Variants in ULK2 observed in about 807,000 individuals in gnomAD.
ULK2 encodes the protein serine/threonine-protein kinase ULK2.
A neutral mutation model predicts 127.5 loss-of-function variants in ULK2; 76 were observed. The observed-to-expected ratio is 0.60, with a 90% CI of 0.50 to 0.72. ULK2 has a LOEUF of 0.72. Among genes scored for constraint, ULK2 ranks in the 30% least tolerant of loss-of-function variants. The probability of loss-of-function intolerance (pLI) is 0.00; values close to 1 mark genes in which losing one functional copy is unlikely to be tolerated. For synonymous variants in ULK2, 452 were observed against 461.9 expected (o/e 0.98, Z 0.28); for missense variants, 1,144 against 1,295.9 (o/e 0.88, Z 1.80).
chr17:19,791,943 A>G (rs1012483121), intron 20 of ULK2, among the ~76,000 whole-genome samples: 1 of 151,946 alleles, frequency 6.6e-6, no homozygotes, highest in African/African-American at 2.4e-5. Context: ...TTTGGAAACT[A>G]TATAAATACG....
chr17:19,805,417 T>C (rs1433566000), intron 14 of ULK2, among the ~76,000 whole-genome samples: 4 of 152,222 alleles, frequency 2.6e-5, no homozygotes, highest in African/African-American at 9.7e-5. Flanking sequence ...CTTATACCAC[T>C]TTCAATTCAC....
At chr17:19,835,994 C>T (rs1277709822) in intron 10 of ULK2, among the ~76,000 whole-genome samples, 3 of 151,688 alleles carry the variant, frequency 2.0e-5, no homozygotes, top group African/African-American at 4.8e-5. Context: ...GGGCCGCGCC[C>T]GGTGGCTCAC....
chr17:19,864,575 C>T (rs894136723), intron 3 of ULK2, among the ~76,000 whole-genome samples: 1 of 152,116 alleles, frequency 6.6e-6, no homozygotes, highest in Non-Finnish European at 1.5e-5. Flanking sequence ...CAATGCTACA[C>T]CTATAGTGTA....
rs575159407 is a variant in ULK2, at chr17:19,795,634, G to A, written c.2089C>T (p.Pro697Ser). The A allele has an allele frequency of 7.4e-6, 12 of 1,613,852 alleles. No homozygotes were observed. In the East Asian group the frequency reaches 2.7e-4, roughly 36 times the overall value. The change falls in exon 20 of 27, where the codon CCA becomes TCA. Residue 697 changes from proline to serine, a missense_variant. Physicochemically the swap from Pro to Ser is moderately conservative, Grantham distance 74. Around this residue, in one of 2 missense-constraint regions of ULK2, gnomAD observed 913 missense variants for 970.5 expected, o/e 0.94. Coordinates refer to ENST00000395544, the MANE Select transcript of ULK2 (RefSeq NM_014683.4). ...ACATTTTTCTTACCTATATCCATTGGTCGTTCTGTATTTAAACTGTCTGTG... is the reference window on the plus strand; with the variant it reads ...ACATTTTTCTTACCTATATCCATTGATCGTTCTGTATTTAAACTGTCTGTG... ...GSTDSLNTER[P>S]MDIAPAGACG... is the part of the protein sequence containing the mutation.
chr17:19,804,502 A>G (rs2087470330), intron 15 of ULK2, among the ~76,000 whole-genome samples, 191 bp downstream of exon 15: 1 of 152,002 alleles, frequency 6.6e-6, no homozygotes, highest in Admixed American at 6.6e-5. Flanking sequence ...ATATCATACT[A>G]TATTATCAAG....
intron 11 of ULK2, 134 bp downstream of exon 11, chr17:19,826,001 AAAAT>A (rs1555560385): frequency 5.8e-4 from 74 of 127,930 alleles, no homozygotes; most frequent in African/African-American, 2.1e-3. Context: ...AAAAAAAAAA[AAAAT>A]AAATAAATAA....
At chr17:19,801,977 T>G (rs2087411463) in intron 15 of ULK2, 55 bp from the exon 16 acceptor site, 4 of 1,518,376 alleles carry the variant, frequency 2.6e-6, no homozygotes, top group South Asian at 2.7e-5. Context: ...TTTTTATTCC[T>G]GCATTTTCTG....
chr17:19,805,585 T>C (rs2087498411), intron 14 of ULK2, among the ~76,000 whole-genome samples: 1 of 152,170 alleles, frequency 6.6e-6, no homozygotes, highest in African/African-American at 2.4e-5. Context: ...AAAAATAACT[T>C]AAATTTTATT....
In ULK2 at chr17:19,796,088, C is replaced by G; in HGVS notation, c.1997+7G>C. ...TGTTTAATGCTAGAATGGAAACAGT[C>G]TTTTACCTGCCAAACACTGCCTTGC... On this transcript the variant is annotated splice_region_variant and intron_variant, in intron 19 of 26. Coordinates refer to ENST00000395544, the MANE Select transcript of ULK2 (RefSeq NM_014683.4). 4 of 1,601,926 alleles carry G rather than the reference C, an allele frequency of 2.5e-6. No individual in the cohort carries two copies. Among genetic ancestry groups the G allele is most frequent in the Non-Finnish European group, 3.4e-6 (4 of 1,175,738 alleles).
At chr17:19,814,411 C>CATATATATATAT (rs35552728) in intron 13 of ULK2, among the ~76,000 whole-genome samples, 4 of 36,532 alleles carry the variant, frequency 1.1e-4, no homozygotes, top group East Asian at 1.6e-3. Flanking sequence ...TTATTATATA[C>CATATATATATAT]ATATATATAT....
intron 20 of ULK2, among the ~76,000 whole-genome samples, chr17:19,792,574 A>G (rs899110752): frequency 5.8e-4 from 88 of 152,384 alleles, no homozygotes; most frequent in African/African-American, 2.1e-3. Flanking sequence ...ATAGCAGCAC[A>G]AAATGGACTA....
chr17:19,831,322 G>A (rs200420318), intron 10 of ULK2, among the ~76,000 whole-genome samples: 2 of 151,658 alleles, frequency 1.3e-5, no homozygotes, highest in East Asian at 1.9e-4. Flanking sequence ...GCCCTTCCCC[G>A]TCTCATCTCA....
Position 19,857,003 on chromosome 17 carries a change from A to G in ULK2, c.226-7229T>C, listed in dbSNP as rs957871882. ...AAAAAAAAAAAAAAAAAAAAAAAAA[A>G]AGAGTTTTAAAATTTTTTATAGCCA... On this transcript the variant is annotated intron_variant, in intron 3 of 26. Coordinates refer to ENST00000395544, the MANE Select transcript of ULK2 (RefSeq NM_014683.4). 1.5e-4 allele frequency among the ~76,000 whole-genome samples: 22 copies of G among 148,622 alleles called. No homozygotes were observed. In the East Asian group the frequency reaches 3.0e-3, roughly 20 times the overall value.
chr17:19,807,974 C>CGGGT (rs1351917052), intron 14 of ULK2, among the ~76,000 whole-genome samples: 4 of 152,086 alleles, frequency 2.6e-5, no homozygotes, highest in African/African-American at 9.7e-5. Context: ...GGCGTGGTGG[C>CGGGT]GGGTACCTGT....
At position 19,849,724 on chromosome 17, in the gene ULK2, A is replaced by T. The variant is rs752720462; in HGVS notation, c.258+18T>A. On this transcript the variant is annotated intron_variant, in intron 4 of 26. Transcript: ENST00000395544. The stretch of plus-strand genomic sequence containing the variant: ...AGAAATTTGAAATAAATTAAACAGA[A>T]GTTTGTATACTACCTACCTCCATCA... 5 of 1,492,560 alleles carry T rather than the reference A, an allele frequency of 3.3e-6. No homozygotes were observed. The highest frequency in any genetic ancestry group is 4.5e-6 in the Non-Finnish European group (5 of 1,111,614). 92.5% of individuals were successfully genotyped at this position (1,492,560 alleles called of 1,614,324 possible). A position where few individuals can be genotyped will look rare whatever the true frequency, so the allele number is the denominator to read the frequency against.
intron 3 of ULK2, among the ~76,000 whole-genome samples, chr17:19,857,143 C>T (rs1481015336): frequency 1.3e-5 from 2 of 150,618 alleles, no homozygotes; most frequent in Non-Finnish European, 3.0e-5. Flanking sequence ...TCGTCTCTAC[C>T]AAAAATACAG....
intron 15 of ULK2, among the ~76,000 whole-genome samples, chr17:19,804,177 G>A (rs74330833): frequency 2.6e-5 from 4 of 151,144 alleles, no homozygotes; most frequent in African/African-American, 4.9e-5. Context: ...GAGGCCAGGA[G>A]TTCAAGACCA....
At chr17:19,856,977 C>CAAAAA (rs1157706276) in intron 3 of ULK2, among the ~76,000 whole-genome samples, 2 of 21,312 alleles carry the variant, frequency 9.4e-5, no homozygotes, top group Non-Finnish European at 2.4e-4. Context: ...ACTCCATCTC[C>CAAAAA]AAAAAAAAAA....
chr17:19,801,898 GT>G lies in ULK2; in HGVS notation c.1319del (p.Asn440ThrfsTer181). On this transcript the variant is annotated frameshift_variant, in exon 16 of 27. Coordinates refer to ENST00000395544, the MANE Select transcript of ULK2 (RefSeq NM_014683.4). LOFTEE classifies it high-confidence loss of function. ...GCCGGAGGAAGCCCATGGGGCTGGT[GT>G]TGGACCTTCGTACCACTGCAGATCT... is the stretch of plus-strand genomic sequence containing the variant. ...SPRSAVVRRS[N>X]TSPMGFLRPG... The G allele has an allele frequency of 6.2e-7, 1 of 1,612,628 alleles. No homozygotes were observed. Among genetic ancestry groups the G allele is most frequent in the Non-Finnish European group, 8.5e-7 (1 of 1,179,716 alleles).
Sources: allele counts gnomAD v4.1 joint callset (sites outside exome capture counted in the v4.1 genomes callset), GRCh38; gene constraint gnomAD v4.1.1; regional missense constraint gnomAD v4.1.1; transcripts MANE v1.5; gene names NCBI Gene and HGNC (gene_info 2026-07-23, HGNC 2026-07-21).